Variants in FARSB observed in about 807,000 individuals in gnomAD.
FARSB encodes the protein phenylalanyl-tRNA synthetase subunit beta, also known as phenylalanine--tRNA ligase beta subunit.
A neutral mutation model predicts 69.6 loss-of-function variants in FARSB; 40 were observed. The ratio of observed to expected loss-of-function variants is 0.57; its 90% confidence interval spans 0.45 to 0.75. FARSB has a LOEUF of 0.75. Ranked by LOEUF, FARSB falls within the 30% of genes least tolerant of loss-of-function variation. The probability of loss-of-function intolerance (pLI) is 0.00; values close to 1 mark genes in which losing one functional copy is unlikely to be tolerated. For missense variants in FARSB, 632 were observed against 722.9 expected (o/e 0.87, Z 1.44); for synonymous variants, 235 against 247.2 (o/e 0.95, Z 0.46).
chr2:222,569,507 C>G lies in FARSB; in HGVS notation c.*2364G>C, dbSNP rs1289446943. The G allele has an allele frequency of 6.6e-6, 1 of 152,192 alleles. No homozygotes were observed. The highest frequency in any genetic ancestry group is 1.9e-4 in the East Asian group (1 of 5,194). 9.4% of individuals were successfully genotyped at this position (152,192 alleles called of 1,614,324 possible). A position where few individuals can be genotyped will look rare whatever the true frequency, so the allele number is the denominator to read the frequency against. On this transcript the variant is annotated 3_prime_UTR_variant, in exon 17 of 17. Coordinates refer to ENST00000281828, the MANE Select transcript of FARSB (RefSeq NM_005687.5). The stretch of plus-strand genomic sequence containing the variant: ...TCAACTGGTGTTATGTAGTTAAAAT[C>G]AGTAAAATACTACATGTTACATTAC...
At chr2:222,638,045 GA>G (rs1303810645) in intron 5 of FARSB, among the ~76,000 whole-genome samples, 1 of 150,946 alleles carries the variant, frequency 6.6e-6, no homozygotes, top group Non-Finnish European at 1.5e-5. Context: ...CTGATCAAAG[GA>G]AAAAAAAGAG....
Position 222,570,642 on chromosome 2 carries a change from C to T in FARSB, c.*1229G>A, listed in dbSNP as rs1689700860. ...GGTTCAAGAGATTTTCCTGACTCAG[C>T]CTCCCAGGTAGCTGGGACTGCAGGC... On this transcript the variant is annotated 3_prime_UTR_variant, in exon 17 of 17. Coordinates refer to ENST00000281828, the MANE Select transcript of FARSB (RefSeq NM_005687.5). 1.3e-5 allele frequency: 2 copies of T among 152,026 alleles called. No individual in the cohort carries two copies. The highest frequency in any genetic ancestry group is 4.8e-5 in the African/African-American group (2 of 41,370). 9.4% of individuals were successfully genotyped at this position (152,026 alleles called of 1,614,324 possible). A position where few individuals can be genotyped will look rare whatever the true frequency, so the allele number is the denominator to read the frequency against.
At chr2:222,621,704 A>G (rs1200566708) in intron 13 of FARSB, among the ~76,000 whole-genome samples, 5 of 152,230 alleles carry the variant, frequency 3.3e-5, no homozygotes, top group Non-Finnish European at 7.3e-5. Flanking sequence ...ATATAGCAAA[A>G]ATCAATATGA....
chr2:222,578,705 C>T (rs1228218324), intron 16 of FARSB, among the ~76,000 whole-genome samples: 1 of 151,244 alleles, frequency 6.6e-6, no homozygotes, highest in African/African-American at 2.5e-5. Context: ...TGGGGCCGGG[C>T]ACAGTAGCTC....
In FARSB at chr2:222,570,054, T is replaced by G. The variant is rs1689687819; in HGVS notation, c.*1817A>C. On this transcript the variant is annotated 3_prime_UTR_variant, in exon 17 of 17. Coordinates refer to ENST00000281828, the MANE Select transcript of FARSB (RefSeq NM_005687.5). ...TGCTCCAGTCTCAGCAGTATTTGAT[T>G]TATGAATCTTAAATTTTAGCCATTT... 6.6e-6 allele frequency among the ~76,000 whole-genome samples: 1 copy of G among 152,204 alleles called. No homozygotes were observed. Among genetic ancestry groups the G allele is most frequent in the Admixed American group, 6.5e-5 (1 of 15,290 alleles).
chr2:222,636,762 G>T (rs1484797163), intron 5 of FARSB, among the ~76,000 whole-genome samples: 1 of 152,150 alleles, frequency 6.6e-6, no homozygotes, highest in Admixed American at 6.5e-5. Flanking sequence ...AAGTATTCAA[G>T]TCTTTGCCTG....
chr2:222,600,123 C>T, intron 15 of FARSB, 40 bp from the exon 16 acceptor site: 1 of 1,534,100 alleles, frequency 6.5e-7, no homozygotes, highest in Non-Finnish European at 8.7e-7. Flanking sequence ...CTGTATTAAC[C>T]ATTGCTTAAG....
chr2:222,618,832 TA>T (rs1398663981), intron 14 of FARSB, among the ~76,000 whole-genome samples: 2 of 152,124 alleles, frequency 1.3e-5, no homozygotes, highest in Non-Finnish European at 2.9e-5. Context: ...ATTCATTTAT[TA>T]CAAATGAATG....
chr2:222,576,035 C>T (rs1384616389), intron 16 of FARSB, among the ~76,000 whole-genome samples: 4 of 150,800 alleles, frequency 2.7e-5, no homozygotes, highest in Non-Finnish European at 4.4e-5. Flanking sequence ...AAGCTTTACA[C>T]GTAGAGTCAT....
At chr2:222,581,473 C>T (rs151264258) in intron 16 of FARSB, among the ~76,000 whole-genome samples, 454 of 152,204 alleles carry the variant, frequency 3.0e-3, no homozygotes, top group African/African-American at 0.01. Flanking sequence ...AATTTTTAAA[C>T]AAAGCAGACT....
intron 6 of FARSB, 64 bp from the exon 7 acceptor site, chr2:222,633,371 A>T: frequency 1.3e-6 from 1 of 768,196 alleles, no homozygotes; most frequent in Non-Finnish European, 2.2e-6. Flanking sequence ...TATAGTTCAC[A>T]TACTGACCTA....
intron 14 of FARSB, among the ~76,000 whole-genome samples, chr2:222,616,415 C>T (rs899077055): frequency 6.6e-6 from 1 of 151,974 alleles, no homozygotes; most frequent in African/African-American, 2.4e-5. Flanking sequence ...GGCGCGGCAG[C>T]GCGTGCCTGT....
At chr2:222,591,958 A>G in intron 16 of FARSB, among the ~76,000 whole-genome samples, 1 of 152,318 alleles carries the variant, frequency 6.6e-6, no homozygotes, top group Middle Eastern at 3.4e-3. Flanking sequence ...ATGAATGAGA[A>G]TGAACAATTT....
chr2:222,654,748 T>G (rs1335738011), intron 1 of FARSB, among the ~76,000 whole-genome samples: 1 of 152,236 alleles, frequency 6.6e-6, no homozygotes, highest in Admixed American at 6.5e-5. Context: ...GGAAAGATTC[T>G]TAAAAGCCAG....
chr2:222,613,898 G>T lies in FARSB; in HGVS notation c.1375C>A (p.Leu459Met). The change falls in exon 15 of 17, where the codon CTG (leucine) becomes ATG (methionine). Residue 459 changes from leucine (L) to methionine (M), a missense_variant. Coordinates refer to ENST00000281828, the MANE Select transcript of FARSB (RefSeq NM_005687.5). ...TTACGATTTGCTGCTATGGTCTTCA[G>T]GAGGCCAGGAAGAAGGGTAGTGCGT... ...VARTTLLPGL[L>M]KTIAANRKMP... The T allele has an allele frequency of 6.2e-7, 1 of 1,613,744 alleles. No homozygotes were observed. The highest frequency in any genetic ancestry group is 8.5e-7 in the Non-Finnish European group (1 of 1,179,670).
rs75095067 is a variant in FARSB at position 222,628,498 on chromosome 2, A to C, written c.900+339T>G. On this transcript the variant is annotated intron_variant, in intron 10 of 16. Transcript: ENST00000281828. ...ACTCAGTTAACTAGTTAATAGAATAAATCATAGGAATTATGACCACACAAT... is the reference window on the plus strand; with the variant it reads ...ACTCAGTTAACTAGTTAATAGAATACATCATAGGAATTATGACCACACAAT... Among the ~76,000 whole-genome samples the C allele has an allele frequency of 6.1e-3, 922 of 152,346 alleles. 11 individuals are homozygous for C. Among genetic ancestry groups the C allele is most frequent in the African/African-American group, 0.021 (863 of 41,580 alleles).
chr2:222,593,129 CA>C, intron 16 of FARSB, among the ~76,000 whole-genome samples: 1 of 151,916 alleles, frequency 6.6e-6, no homozygotes, highest in Non-Finnish European at 1.5e-5. Context: ...ACTATAATTC[CA>C]AAGTATTCAT....
In FARSB at chr2:222,624,765, T is replaced by G; in HGVS notation, c.911A>C (p.Tyr304Ser). 2 of 1,597,884 alleles carry G rather than the reference T, an allele frequency of 1.3e-6. No homozygotes were observed. The highest frequency in any genetic ancestry group is 1.7e-6 in the Non-Finnish European group (2 of 1,167,892). Reference sequence around the variant, plus strand: ...GTCAGCTCTCACCATCTCCTTTCGGTAAGCTAATTCCTTAAATAGAAAGAG... The same window carrying G: ...GTCAGCTCTCACCATCTCCTTTCGGGAAGCTAATTCCTTAAATAGAAAGAG... ...GKSHTFPELA[Y>S]RKEMVRADLI... The change falls in exon 11 of 17, where the codon TAC becomes TCC. Residue 304 changes from tyrosine (Y) to serine (S), a missense_variant. Transcript: ENST00000281828.
chr2:222,578,451 T>TTTAGCTAAC (rs1163389412), intron 16 of FARSB, among the ~76,000 whole-genome samples: 2 of 152,258 alleles, frequency 1.3e-5, no homozygotes, highest in Non-Finnish European at 2.9e-5. Flanking sequence ...AATTGAGACC[T>TTTAGCTAAC]TTAGCTAACT....
Sources: gnomAD v4.1 joint callset for allele counts (sites outside exome capture counted in the v4.1 genomes callset) on GRCh38, gnomAD v4.1.1 for gene constraint, MANE v1.5 for transcripts, NCBI Gene and HGNC (gene_info 2026-07-23, HGNC 2026-07-21) for gene names.